TAFA2: variants seen among roughly 807,000 people sequenced by gnomAD.
TAFA2 encodes the protein TAFA chemokine like family member 2, also known as chemokine-like protein TAFA-2.
In TAFA2, 7 loss-of-function variants were observed where a neutral mutation model predicts 18.8. The observed-to-expected ratio is 0.37, with a 90% CI of 0.21 to 0.70. TAFA2 has a LOEUF of 0.70. TAFA2 is among the 30% of genes least tolerant of loss of function. TAFA2 has a pLI of 0.53. For synonymous variants in TAFA2, 60 were observed against 54.2 expected (o/e 1.11, Z -0.47); for missense variants, 122 against 158.1 (o/e 0.77, Z 1.23).
intron 1 of TAFA2, chr12:62,021,474 CTTT>C (rs34094332): frequency 2.8e-4 from 118 of 418,892 alleles, no homozygotes; most frequent in Middle Eastern, 1.6e-3. Context: ...CTGCATCATT[CTTT>C]TTTTTTTTTC....
chr12:61,746,813 G>A (rs953467320), intron 4 of TAFA2, among the ~76,000 whole-genome samples: 9 of 152,066 alleles, frequency 5.9e-5, no homozygotes, highest in African/African-American at 2.2e-4. Flanking sequence ...GACAATAGGA[G>A]GCAATAAAGA....
intron 1 of TAFA2, among the ~76,000 whole-genome samples, chr12:61,981,580 C>T (rs2136677135): frequency 6.6e-6 from 1 of 152,244 alleles, no homozygotes; most frequent in East Asian, 1.9e-4. Flanking sequence ...GGCTAATATC[C>T]AGAATCTACA....
In TAFA2 at chr12:61,894,069, C is replaced by T. The variant is rs151247852; in HGVS notation, c.-1-26643G>A. 8.5e-3 allele frequency among the ~76,000 whole-genome samples: 1,290 copies of T among 152,234 alleles called. 15 individuals are homozygous for T. The highest frequency in any genetic ancestry group is 0.03 in the African/African-American group (1,228 of 41,544). On this transcript the variant is annotated intron_variant, in intron 1 of 4. Transcript: ENST00000416284. ...ATCGATTTACACTGTCCAGGCTAAACAGGCCTCTTTCTCAGCATGTTTACT... is the reference window on the plus strand; with the variant it reads ...ATCGATTTACACTGTCCAGGCTAAATAGGCCTCTTTCTCAGCATGTTTACT...
intron 1 of TAFA2, among the ~76,000 whole-genome samples, chr12:62,066,376 C>T (rs561438696): frequency 3.3e-5 from 5 of 151,620 alleles, no homozygotes; most frequent in South Asian, 2.1e-4. Flanking sequence ...TGCTAACAAA[C>T]GCTAGGTCTT....
chr12:61,922,890 G>A (rs1221426020), intron 1 of TAFA2, among the ~76,000 whole-genome samples: 3 of 152,104 alleles, frequency 2.0e-5, no homozygotes, highest in Non-Finnish European at 4.4e-5. Context: ...AGTCAACCTG[G>A]GACGCTCGAG....
chr12:62,118,506 C>T (rs1243152822), intron 1 of TAFA2, among the ~76,000 whole-genome samples: 1 of 152,004 alleles, frequency 6.6e-6, no homozygotes, highest in Non-Finnish European at 1.5e-5. Flanking sequence ...ATTCTGAAGT[C>T]ATATGATATA....
At chr12:62,219,244 T>C (rs576902706) in intron 1 of TAFA2, among the ~76,000 whole-genome samples, 2 of 152,174 alleles carry the variant, frequency 1.3e-5, no homozygotes, top group African/African-American at 4.8e-5. Flanking sequence ...AATTCATCTG[T>C]GAAATTACTT....
intron 3 of TAFA2, among the ~76,000 whole-genome samples, chr12:61,754,162 A>G (rs1869151612): frequency 6.6e-6 from 1 of 152,040 alleles, no homozygotes; most frequent in Non-Finnish European, 1.5e-5. Context: ...ACCAGTTTTT[A>G]GAGTCAACAC....
chr12:62,197,045 T>G (rs960683491), upstream of TAFA2, among the ~76,000 whole-genome samples: 2 of 152,184 alleles, frequency 1.3e-5, no homozygotes, highest in African/African-American at 4.8e-5. Flanking sequence ...GCTGCGGCAT[T>G]AGATTCTCAC....
At chr12:61,719,737 C>T (rs150114229) in intron 4 of TAFA2, among the ~76,000 whole-genome samples, 220 of 152,208 alleles carry the variant, frequency 1.4e-3, no homozygotes, top group African/African-American at 5.0e-3. Context: ...ACCCTTAGGG[C>T]GGTTACACAC....
intron 4 of TAFA2, among the ~76,000 whole-genome samples, chr12:61,735,213 T>C (rs1380629298): frequency 6.6e-6 from 1 of 152,068 alleles, no homozygotes; most frequent in African/African-American, 2.4e-5. Context: ...TAGTATTTGC[T>C]GCAAATTCTT....
intron 1 of TAFA2, among the ~76,000 whole-genome samples, chr12:61,924,868 G>C (rs753780129): frequency 3.3e-5 from 5 of 152,106 alleles, no homozygotes; most frequent in Non-Finnish European, 7.3e-5. Flanking sequence ...ACACACATAG[G>C]CTCAAAATAA....
intron 1 of TAFA2, among the ~76,000 whole-genome samples, chr12:62,047,702 G>T (rs1248998728): frequency 6.6e-6 from 1 of 152,078 alleles, no homozygotes; most frequent in East Asian, 1.9e-4. Flanking sequence ...CATAGCCAAA[G>T]ATATAAAAGA....
At chr12:61,710,926 A>G (rs1007445234) in intron 4 of TAFA2, among the ~76,000 whole-genome samples, 1 of 46,046 alleles carries the variant, frequency 2.2e-5, no homozygotes, top group Non-Finnish European at 4.7e-5. Flanking sequence ...TATATTTGAA[A>G]AATTATATTT....
At chr12:62,020,300 A>C (rs970536223) in intron 1 of TAFA2, among the ~76,000 whole-genome samples, 1 of 152,358 alleles carries the variant, frequency 6.6e-6, no homozygotes, top group Admixed American at 6.5e-5. Context: ...ACAGAAACAC[A>C]GAGGGAATAT....
intron 4 of TAFA2, among the ~76,000 whole-genome samples, chr12:61,730,040 T>C (rs73123758): frequency 0.023 from 3,463 of 152,202 alleles, 53 homozygotes; most frequent in Non-Finnish European, 0.036. Context: ...TGGACCAGTA[T>C]TGGATAGTGT....
At chr12:62,013,313 T>G (rs1880829375) in intron 1 of TAFA2, among the ~76,000 whole-genome samples, 1 of 152,154 alleles carries the variant, frequency 6.6e-6, no homozygotes, top group South Asian at 2.1e-4. Context: ...CTCATAAATC[T>G]CTAATCACAG....
intron 2 of TAFA2, among the ~76,000 whole-genome samples, chr12:61,800,954 A>G (rs1009164815): frequency 1.3e-5 from 2 of 152,154 alleles, no homozygotes; most frequent in Admixed American, 6.5e-5. Flanking sequence ...TTCTAGAGTA[A>G]GATACTGCAA....
rs150391721 is a variant in TAFA2, at chr12:61,884,284, C to T, written c.-1-16858G>A. 7.2e-5 allele frequency among the ~76,000 whole-genome samples: 11 copies of T among 152,188 alleles called. 1 individual carries two copies. Among genetic ancestry groups the T allele is most frequent in the African/African-American group, 2.6e-4 (11 of 41,530 alleles). ...TTTCCCTTAATGTAGTAGGTACCAG[C>T]GAGGCACTGGGGGACTGCAAAGGAC... On this transcript the variant is annotated intron_variant, in intron 1 of 4. Coordinates refer to ENST00000416284, the MANE Select transcript of TAFA2 (RefSeq NM_178539.5).
Sources: gnomAD v4.1 joint callset for allele counts (sites outside exome capture counted in the v4.1 genomes callset) on GRCh38, gnomAD v4.1.1 for gene constraint, MANE v1.5 for transcripts, NCBI Gene and HGNC (gene_info 2026-07-23, HGNC 2026-07-21) for gene names.